PCDHA7: variants seen among roughly 807,000 people sequenced by gnomAD.
The protein encoded by PCDHA7 is protocadherin alpha-7.
PCDHA7 carries 37 observed loss-of-function variants against 57.2 expected under a neutral mutation model. The ratio of observed to expected loss-of-function variants is 0.65; its 90% CI spans 0.50 to 0.85. The LOEUF is 0.85. PCDHA7 is among the 40% of genes least tolerant of loss of function. The probability of loss-of-function intolerance (pLI) is 0.00; values close to 1 mark genes in which losing one functional copy is unlikely to be tolerated. For missense variants in PCDHA7, 1,188 were observed against 1,241.8 expected (o/e 0.96, Z 0.65); for synonymous variants, 553 against 558.8 (o/e 0.99, Z 0.15).
intron 1 of PCDHA7, chr5:140,927,030 A>T: frequency 6.2e-7 from 1 of 1,612,410 alleles, no homozygotes; most frequent in Non-Finnish European, 8.5e-7. Flanking sequence ...TGAGGCTGCC[A>T]GCGGCCGCTA....
In PCDHA7 at chr5:140,843,411, A is replaced by G. The variant is rs2150359358; in HGVS notation, c.2355+6673A>G. On this transcript the variant is annotated intron_variant, in intron 1 of 3. Transcript: ENST00000525929. The stretch of plus-strand genomic sequence containing the variant: ...CCGGAAGCGGCGCTGGTGGATGTCA[A>G]CGTGTACCTGATCATCGCCATCTGC... 2.5e-5 allele frequency: 40 copies of G among 1,596,006 alleles called. 6 individuals carry two copies. The highest frequency in any genetic ancestry group is 1.1e-4 in the African/African-American group (8 of 74,534).
At chr5:140,843,243 A>T in intron 1 of PCDHA7, 1 of 1,595,128 alleles carries the variant, frequency 6.3e-7, no homozygotes, top group Non-Finnish European at 8.6e-7. Flanking sequence ...GACGAAGCGG[A>T]CTCTCCGCGC....
intron 1 of PCDHA7, among the ~76,000 whole-genome samples, chr5:140,903,696 A>G (rs2153481433): frequency 6.6e-6 from 1 of 152,370 alleles, no homozygotes; most frequent in East Asian, 1.9e-4. Context: ...ATAGTTTAAA[A>G]TAGTAATAAA....
rs1023630665 is a variant in PCDHA7, at chr5:140,851,206, T to C, written c.2355+14468T>C. 1.3e-5 allele frequency: 15 copies of C among 1,183,670 alleles called. No homozygotes were observed. The African/African-American group carries it at 2.4e-4, about 19-fold the overall frequency. 73.3% of individuals were successfully genotyped at this position (1,183,670 alleles called of 1,614,324 possible). ...ACCAATTTAGTTGTTAGTCATTCAT[T>C]AAACATTAACATCACTATCATTTAT... On this transcript the variant is annotated intron_variant, in intron 1 of 3. Coordinates refer to ENST00000525929, the MANE Select transcript of PCDHA7 (RefSeq NM_018910.3).
At chr5:140,993,431 C>T (rs1171497178) in intron 3 of PCDHA7, among the ~76,000 whole-genome samples, 1 of 149,406 alleles carries the variant, frequency 6.7e-6, no homozygotes, top group African/African-American at 2.5e-5. Context: ...TTTTAAAATC[C>T]TTATTCATTC....
chr5:140,856,559 C>G lies in PCDHA7; in HGVS notation c.2355+19821C>G, dbSNP rs782226001. On this transcript the variant is annotated intron_variant, in intron 1 of 3. Coordinates refer to ENST00000525929, the MANE Select transcript of PCDHA7 (RefSeq NM_018910.3). ...AGAGAACGCATTGCTTACTTACAAACTCAGTCCAAATGAGTATTTTGTTCT... is the reference window on the plus strand; with the variant it reads ...AGAGAACGCATTGCTTACTTACAAAGTCAGTCCAAATGAGTATTTTGTTCT... 6 of 1,597,988 alleles carry G rather than the reference C, an allele frequency of 3.8e-6. No homozygotes were observed. In the Middle Eastern group the frequency reaches 5.0e-4, roughly 133 times the overall value.
In PCDHA7 at chr5:140,927,334, G is replaced by A. The variant is rs201745433; in HGVS notation, c.2356-51615G>A. The A allele has an allele frequency of 4.6e-5, 74 of 1,614,180 alleles. No individual in the cohort carries two copies. Among genetic ancestry groups the A allele is most frequent in the Non-Finnish European group, 5.9e-5 (70 of 1,180,032 alleles). ...CGGAGCCCGCTTTACTCTCCCGAAT[G>A]CCCAAGATGACGACGAGGGAAGCAA... On this transcript the variant is annotated intron_variant, in intron 1 of 3. Transcript: ENST00000525929.
At chr5:140,882,376 C>G in intron 1 of PCDHA7, 1 of 1,614,190 alleles carries the variant, frequency 6.2e-7, no homozygotes, top group South Asian at 1.1e-5. Context: ...ACTCCGTCCC[C>G]GAGGAAGCAA....
intron 1 of PCDHA7, chr5:140,862,418 G>A (rs868906297): frequency 8.8e-5 from 31 of 352,850 alleles, no homozygotes; most frequent in African/African-American, 6.4e-4. Flanking sequence ...AAAAGGCGCT[G>A]CCCAGAAACT....
chr5:140,930,358 T>A (rs1253370170), intron 1 of PCDHA7: 1 of 152,216 alleles, frequency 6.6e-6, no homozygotes, highest in African/African-American at 2.4e-5. Context: ...AATATTTCAA[T>A]TTATCTGTTA....
intron 1 of PCDHA7, among the ~76,000 whole-genome samples, chr5:140,888,467 A>C (rs562447782): frequency 7.2e-5 from 11 of 152,334 alleles, no homozygotes; most frequent in African/African-American, 2.6e-4. Flanking sequence ...TCAAAATGTC[A>C]GTAGTTCCAC....
chr5:140,915,204 C>A (rs2077022161), intron 1 of PCDHA7, among the ~76,000 whole-genome samples: 1 of 152,120 alleles, frequency 6.6e-6, no homozygotes, highest in African/African-American at 2.4e-5. Flanking sequence ...ATCTTGGCCT[C>A]CCAAAGTGCT....
At chr5:140,869,211 G>T (rs375218342) in intron 1 of PCDHA7, 2 of 1,613,956 alleles carry the variant, frequency 1.2e-6, no homozygotes, top group Non-Finnish European at 1.7e-6. Context: ...ACTCCGTCTC[G>T]GAGGAGGCCA....
At position 140,836,144 on chromosome 5, in the gene PCDHA7, G is replaced by C. The variant is rs2150253955; in HGVS notation, c.1761G>C (p.Ala587=). The C allele has an allele frequency of 1.2e-6, 2 of 1,613,662 alleles. No homozygotes were observed. The highest frequency in any genetic ancestry group is 1.7e-5 in the Admixed American group (1 of 60,006). ...VRELVPRSVG[A]GHVVAKVRAV... Reference sequence around the variant, plus strand: ...AGCTTGTGCCGCGGTCTGTGGGCGCGGGCCATGTGGTGGCGAAGGTACGTG... The same window carrying C: ...AGCTTGTGCCGCGGTCTGTGGGCGCCGGCCATGTGGTGGCGAAGGTACGTG... Residue 587 remains alanine, a synonymous_variant, in exon 1 of 4, where the codon GCG becomes GCC. Coordinates refer to ENST00000525929, the MANE Select transcript of PCDHA7 (RefSeq NM_018910.3).
At chr5:140,903,635 A>T (rs2070455281) in intron 1 of PCDHA7, among the ~76,000 whole-genome samples, 1 of 152,244 alleles carries the variant, frequency 6.6e-6, no homozygotes, top group Non-Finnish European at 1.5e-5. Context: ...ATGTATGCAT[A>T]TACCATATAC....
rs1432649344 is a variant in PCDHA7, at chr5:140,870,194, C to T, written c.2355+33456C>T. ...CTCCCAGTACGAGAGGACGCTCAGC[C>T]CAGCACGGTCATTGCCCTGATCAGC... On this transcript the variant is annotated intron_variant, in intron 1 of 3. Transcript: ENST00000525929. 5.0e-6 allele frequency: 8 copies of T among 1,614,050 alleles called. No homozygotes were observed. Among genetic ancestry groups the T allele is most frequent in the Non-Finnish European group, 5.9e-6 (7 of 1,180,054 alleles).
At chr5:140,876,039 T>C in intron 1 of PCDHA7, 1 of 1,613,746 alleles carries the variant, frequency 6.2e-7, no homozygotes, top group Non-Finnish European at 8.5e-7. Context: ...AAGATAAAAG[T>C]ATATTGCCTG....
chr5:141,005,701 CAAAAAAAAAAAAA>C (rs59860837), intron 3 of PCDHA7, among the ~76,000 whole-genome samples: 12 of 7,786 alleles, frequency 1.5e-3, no homozygotes, highest in Non-Finnish European at 2.7e-3. Context: ...AACTCCGTCT[CAAAAAAAAAAAAA>C]AAAAAAAAAA....
At position 141,009,692 on chromosome 5, in the gene PCDHA7, A is replaced by G. The variant is rs2098413739; in HGVS notation, c.2569A>G (p.Lys857Glu). The G allele has an allele frequency of 6.2e-7, 1 of 1,613,856 alleles. No homozygotes were observed. Among genetic ancestry groups the G allele is most frequent in the African/African-American group, 1.3e-5 (1 of 74,858 alleles). The stretch of plus-strand genomic sequence containing the variant: ...TGTCAACAGCAACAGCTGGACCTTT[A>G]AATACGGACCAGGCAACCCCAAACA... The part of the protein sequence containing the change: ...AGVNSNSWTF[K>E]YGPGNPKQSG... Residue 857 changes from lysine to glutamate, a missense_variant, in exon 4 of 4, where the codon AAA (lysine) becomes GAA (glutamate). Physicochemically the swap from Lys to Glu is moderately conservative, Grantham distance 56. Transcript: ENST00000525929.
Sources: allele counts gnomAD v4.1 joint callset (sites outside exome capture counted in the v4.1 genomes callset), GRCh38; gene constraint gnomAD v4.1.1; transcripts MANE v1.5; gene names NCBI Gene and HGNC (gene_info 2026-07-23, HGNC 2026-07-21).